The following CFAP54 variants were observed in gnomAD, a reference collection of about 807,000 sequenced individuals.
The protein encoded by CFAP54 is cilia and flagella associated protein 54.
In CFAP54, 290 loss-of-function variants were observed where a neutral mutation model predicts 370.4. The observed-to-expected ratio is 0.78, with a 90% CI of 0.71 to 0.86. CFAP54 has a LOEUF of 0.86. Among genes scored for constraint, CFAP54 ranks in the 40% least tolerant of loss-of-function variants. The pLI, the probability that CFAP54 is intolerant of heterozygous loss-of-function variation, is 0.00. For synonymous variants in CFAP54, 1,206 were observed against 1,236.5 expected (o/e 0.98, Z 0.52); for missense variants, 3,399 against 3,528.7 (o/e 0.96, Z 0.93).
chr12:96,777,156 A>G (rs1273712510), intron 60 of CFAP54, among the ~76,000 whole-genome samples: 1 of 152,138 alleles, frequency 6.6e-6, no homozygotes, highest in East Asian at 1.9e-4. Context: ...AAAAAAAGTA[A>G]AAGTGCTCAT....
At chr12:96,670,960 C>A (rs1303539565) in intron 39 of CFAP54, among the ~76,000 whole-genome samples, 1 of 152,160 alleles carries the variant, frequency 6.6e-6, no homozygotes, top group Non-Finnish European at 1.5e-5. Context: ...ATGAGGCTTA[C>A]CCTGAGCATT....
rs772395040 is a variant in CFAP54 at position 96,765,200 on chromosome 12, T to C, written c.8263T>C (p.Tyr2755His). ...TGCTGCTCTGGATCTTTTGTCTTCG[T>C]ATACAGATTATTTGCTTGGTATGTT... ...EFAALDLLSSYTDYLLDNYQV... is the reference protein window; with the variant it reads ...EFAALDLLSSHTDYLLDNYQV... The change falls in exon 60 of 68, where the codon TAT (tyrosine) becomes CAT (histidine). Residue 2755 changes from tyrosine (Y) to histidine (H), a missense_variant. By Grantham distance (83) the Tyr-to-His change is moderately conservative. Around this residue, in one of 3 missense-constraint regions of CFAP54, gnomAD observed 2,796 missense variants for 2,869.7 expected, o/e 0.97. Transcript: ENST00000524981. 4 of 1,522,442 alleles carry C rather than the reference T, an allele frequency of 2.6e-6. No homozygotes were observed. In the South Asian group the frequency reaches 5.4e-5, roughly 20 times the overall value. The allele number at this position is 1,522,442 out of a possible 1,614,324, so 94.3% of individuals were successfully genotyped here.
In CFAP54 at chr12:96,657,611, C is replaced by T. The variant is rs146789459; in HGVS notation, c.5101-271C>T. Among the ~76,000 whole-genome samples, 659 of 152,240 alleles carry T rather than the reference C, an allele frequency of 4.3e-3. 7 individuals are homozygous for T. Among genetic ancestry groups the T allele is most frequent in the African/African-American group, 0.015 (615 of 41,540 alleles). On this transcript the variant is annotated intron_variant, in intron 36 of 67. Coordinates refer to ENST00000524981, the MANE Select transcript of CFAP54 (RefSeq NM_001306084.2). ...AAATTAAAAATTCAGTTGCACTAATCACATTTCAAAAGCTTGGTAGCTGCA... is the reference window on the plus strand; with the variant it reads ...AAATTAAAAATTCAGTTGCACTAATTACATTTCAAAAGCTTGGTAGCTGCA...
intron 63 of CFAP54, among the ~76,000 whole-genome samples, chr12:96,806,933 C>G: frequency 6.6e-6 from 1 of 152,272 alleles, no homozygotes; most frequent in African/African-American, 2.4e-5. Context: ...GAAATGTAGA[C>G]TCTCAATTCA....
At position 96,564,628 on chromosome 12, in the gene CFAP54, ATGTT is replaced by A; in HGVS notation, c.2498-10_2498-7del. On this transcript the variant is annotated splice_polypyrimidine_tract_variant and intron_variant, in intron 18 of 67. Transcript: ENST00000524981. ...TTTTTAATCTCACCTTTTTGGTAAA[ATGTT>A]TGTTTTTATAGAATTAAATATAATG... The A allele has an allele frequency of 1.5e-6, 1 of 649,434 alleles. No individual in the cohort carries two copies. The highest frequency in any genetic ancestry group is 1.8e-5 in the South Asian group (1 of 56,084). 40.2% of individuals were successfully genotyped at this position (649,434 alleles called of 1,614,324 possible).
At position 96,567,271 on chromosome 12, in the gene CFAP54, G is replaced by T. The variant is rs557445053; in HGVS notation, c.2619+2506G>T. On this transcript the variant is annotated intron_variant, in intron 19 of 67. Coordinates refer to ENST00000524981, the MANE Select transcript of CFAP54 (RefSeq NM_001306084.2). ...GATGCAATAAGGGTAGGAGTCGGGT[G>T]GGGGAGAGGATAGTAGCACGGGAGA... 5.9e-5 allele frequency among the ~76,000 whole-genome samples: 9 copies of T among 152,296 alleles called. No homozygotes were observed. The South Asian group carries it at 6.2e-4, about 11-fold the overall frequency.
intron 66 of CFAP54, among the ~76,000 whole-genome samples, chr12:96,856,569 C>T (rs1033584753): frequency 2.0e-5 from 3 of 152,296 alleles, no homozygotes; most frequent in East Asian, 1.9e-4. Flanking sequence ...CACCTTTGCT[C>T]CAGTTCCCAA....
chr12:96,507,176 G>C (rs1402888106), intron 4 of CFAP54, 77 bp downstream of exon 4: 1 of 1,133,956 alleles, frequency 8.8e-7, no homozygotes, highest in African/African-American at 1.6e-5. Flanking sequence ...AGTAGCTTGA[G>C]TACCTTGTGA....
intron 46 of CFAP54, among the ~76,000 whole-genome samples, chr12:96,704,531 A>C (rs563906411): frequency 5.6e-5 from 8 of 143,818 alleles, no homozygotes; most frequent in Non-Finnish European, 1.2e-4. Context: ...AGTTAGTAGG[A>C]AAAACATCAA....
At chr12:96,771,171 G>A (rs185096882) in intron 60 of CFAP54, among the ~76,000 whole-genome samples, 1 of 152,308 alleles carries the variant, frequency 6.6e-6, no homozygotes, top group East Asian at 1.9e-4. Context: ...TTAACAGATG[G>A]AACTGGGACT....
chr12:96,563,563 A>G (rs1179507880), intron 17 of CFAP54, among the ~76,000 whole-genome samples: 1 of 152,174 alleles, frequency 6.6e-6, no homozygotes, highest in Non-Finnish European at 1.5e-5. Flanking sequence ...ATGATGCACT[A>G]TTTTCTGCTC....
In CFAP54 at chr12:96,695,159, C is replaced by T. The variant is rs373143197; in HGVS notation, c.6351+1351C>T. On this transcript the variant is annotated intron_variant, in intron 45 of 67. Coordinates refer to ENST00000524981, the MANE Select transcript of CFAP54 (RefSeq NM_001306084.2). ...GACAAGACATCTCTAACGATGGAATCGGGGACAAGATGTGCACAATCAGCT... is the reference window on the plus strand; with the variant it reads ...GACAAGACATCTCTAACGATGGAATTGGGGACAAGATGTGCACAATCAGCT... Among the ~76,000 whole-genome samples the T allele has an allele frequency of 7.2e-5, 11 of 152,334 alleles. 1 individual carries two copies. The highest frequency in any genetic ancestry group is 2.1e-4 in the South Asian group (1 of 4,828).
intron 19 of CFAP54, among the ~76,000 whole-genome samples, chr12:96,566,970 T>C (rs1955870228): frequency 6.6e-6 from 1 of 152,182 alleles, no homozygotes; most frequent in African/African-American, 2.4e-5. Flanking sequence ...CAAGTAAATA[T>C]ATGCTTTAAT....
chr12:96,616,889 T>C (rs1250877381), intron 26 of CFAP54, among the ~76,000 whole-genome samples: 1 of 152,206 alleles, frequency 6.6e-6, no homozygotes, highest in African/African-American at 2.4e-5. Flanking sequence ...GAAATTGTTC[T>C]TGTTGTACAA....
At chr12:96,751,893 G>T (rs561932415) in intron 55 of CFAP54, among the ~76,000 whole-genome samples, 2 of 152,236 alleles carry the variant, frequency 1.3e-5, no homozygotes, top group South Asian at 4.2e-4. Context: ...CTTGTTTTAA[G>T]AGCTTTGTAG....
chr12:96,772,605 T>G (rs972782717), intron 60 of CFAP54, among the ~76,000 whole-genome samples: 4 of 151,812 alleles, frequency 2.6e-5, no homozygotes, highest in Non-Finnish European at 5.9e-5. Context: ...TTTTTTTTTT[T>G]TTTTGAGATG....
chr12:96,666,217 G>C (rs1030781140), intron 39 of CFAP54, among the ~76,000 whole-genome samples: 1 of 152,128 alleles, frequency 6.6e-6, no homozygotes, highest in African/African-American at 2.4e-5. Context: ...AATGCTTTTG[G>C]TATTTGGCCT....
At chr12:96,768,606 A>T (rs1662576614) in intron 60 of CFAP54, among the ~76,000 whole-genome samples, 1 of 152,114 alleles carries the variant, frequency 6.6e-6, no homozygotes, top group Admixed American at 6.5e-5. Context: ...GTGAGCCGAG[A>T]TCACGCCACT....
Position 96,594,409 on chromosome 12 carries a change from T to A in CFAP54, c.3479T>A (p.Ile1160Lys). ...VTQCYGLLAP[I>K]IYHNIVLVPV... ...CAATGTTATGGACTTCTTGCTCCCA[T>A]AATTTATCACAATATTGTTTTGGTA... Residue 1160 changes from isoleucine (I) to lysine (K), a missense_variant, in exon 25 of 68, where the codon ATA becomes AAA. By Grantham distance (102) the Ile-to-Lys change is moderately radical. Around this residue, in one of 3 missense-constraint regions of CFAP54, gnomAD observed 2,796 missense variants for 2,869.7 expected, o/e 0.97. Transcript: ENST00000524981. 1 of 1,534,014 alleles carries A rather than the reference T, an allele frequency of 6.5e-7. No individual in the cohort carries two copies.
Sources: allele counts gnomAD v4.1 joint callset (sites outside exome capture counted in the v4.1 genomes callset), GRCh38; gene constraint gnomAD v4.1.1; regional missense constraint gnomAD v4.1.1; transcripts MANE v1.5; gene names NCBI Gene and HGNC (gene_info 2026-07-23, HGNC 2026-07-21).